STOX2: variants seen among roughly 807,000 people sequenced by gnomAD.
The protein encoded by STOX2 is storkhead box 2, also known as storkhead-box protein 2.
A neutral mutation model predicts 60.9 loss-of-function variants in STOX2; 28 were observed. The observed-to-expected ratio is 0.46, with a 90% confidence interval of 0.34 to 0.63. STOX2 has a LOEUF of 0.63. Ranked by LOEUF, STOX2 falls within the 30% of genes least tolerant of loss-of-function variation. The pLI, the probability that STOX2 is intolerant of heterozygous loss-of-function variation, is 0.01. For synonymous variants in STOX2, 472 were observed against 463.9 expected (o/e 1.02, Z -0.22); for missense variants, 1,024 against 1,187.7 (o/e 0.86, Z 2.03).
At chr4:183,955,055 G>C in intron 1 of STOX2, among the ~76,000 whole-genome samples, 1 of 152,324 alleles carries the variant, frequency 6.6e-6, no homozygotes, top group East Asian at 1.9e-4. Context: ...GACTCCTCTA[G>C]TTGTTTCCTT....
intron 1 of STOX2, among the ~76,000 whole-genome samples, chr4:183,923,084 C>T (rs1234067348): frequency 2.0e-5 from 3 of 152,216 alleles, no homozygotes; most frequent in Non-Finnish European, 2.9e-5. Context: ...TGCTGCTGTG[C>T]ACACAGGTGT....
intron 1 of STOX2, among the ~76,000 whole-genome samples, chr4:183,951,959 A>G (rs1231794523): frequency 6.6e-6 from 1 of 151,942 alleles, no homozygotes. Flanking sequence ...AAATAAATAA[A>G]AAGTGGGTGA....
At chr4:183,948,236 A>C (rs1487506418) in intron 1 of STOX2, among the ~76,000 whole-genome samples, 1 of 150,510 alleles carries the variant, frequency 6.6e-6, no homozygotes, top group Admixed American at 6.6e-5. Context: ...AAAAAAAAAA[A>C]AAAAAAAACA....
intron 1 of STOX2, among the ~76,000 whole-genome samples, chr4:183,874,953 ATATATATATATATATATAT>A (rs1345357461): frequency 3.7e-4 from 9 of 24,602 alleles, no homozygotes; most frequent in East Asian, 1.6e-3. Context: ...AAAAAAAAAA[ATATATATATATATATATAT>A]ATATATATAT....
Position 183,865,307 on chromosome 4 carries a change from G to A in STOX2, c.364+67252G>A, listed in dbSNP as rs568648721. ...TTATTCTCTCTCTTCTTAGATACTC[G>A]GTTTTAAAGTGACTGGGGTGGGTGG... On this transcript the variant is annotated intron_variant, in intron 1 of 2. Transcript: ENST00000513034. The surrounding 1 kb of genome is among the most constrained non-coding windows in gnomAD (Gnocchi z 4.1). Among the ~76,000 whole-genome samples the A allele has an allele frequency of 1.5e-4, 23 of 152,134 alleles. No individual in the cohort carries two copies. Among genetic ancestry groups the A allele is most frequent in the Middle Eastern group, 3.4e-3 (1 of 294 alleles).
In STOX2 at chr4:184,009,396, C is replaced by T; in HGVS notation, c.558C>T (p.Val186=). 6.2e-7 allele frequency: 1 copy of T among 1,614,004 alleles called. No homozygotes were observed. The change falls in exon 3 of 4, where the codon GTC becomes GTT. Residue 186 remains valine, a synonymous_variant. Coordinates refer to ENST00000308497, the MANE Select transcript of STOX2 (RefSeq NM_020225.3). The surrounding 1 kb of genome is among the most constrained non-coding windows in gnomAD (Gnocchi z 4.0). The stretch of plus-strand genomic sequence containing the variant: ...TCACGCCCTCTGCCTCAGGCTGTGT[C>T]AGGGAAAGGACATTGCCCCGAAACC... ...GTITPSASGC[V]RERTLPRNHC...
chr4:183,963,450 G>A (rs187805029), intron 1 of STOX2, among the ~76,000 whole-genome samples: 33 of 149,146 alleles, frequency 2.2e-4, no homozygotes, highest in African/African-American at 7.7e-4. Context: ...TTTTTGAGAC[G>A]GAGTCTTGCA....
intron 2 of STOX2, among the ~76,000 whole-genome samples, chr4:184,007,944 T>C (rs1046810176): frequency 1.4e-4 from 22 of 152,202 alleles, no homozygotes; most frequent in African/African-American, 4.6e-4. Flanking sequence ...AGTTAGGATT[T>C]CAGGATATAA....
chr4:183,829,494 C>T (rs998722625), intron 1 of STOX2, among the ~76,000 whole-genome samples: 1 of 152,142 alleles, frequency 6.6e-6, no homozygotes, highest in African/African-American at 2.4e-5. Flanking sequence ...GACTTCTATG[C>T]GCCAGATTAT....
intron 1 of STOX2, among the ~76,000 whole-genome samples, chr4:183,818,517 A>C (rs978543795): frequency 3.3e-5 from 5 of 152,202 alleles, no homozygotes; most frequent in African/African-American, 1.2e-4. Flanking sequence ...ACACAGCAAC[A>C]ATCTGATTTC....
rs146444273 is a variant in STOX2, at chr4:184,020,873, A to G, written c.*3589A>G. On this transcript the variant is annotated 3_prime_UTR_variant, in exon 4 of 4. Transcript: ENST00000308497. ...CCAGGTCCCTCTTTTTCATAGCCCA[A>G]CCAGCATCTAAAATGTAAATTTAAA... The G allele has an allele frequency of 2.5e-4, 38 of 152,252 alleles. No individual in the cohort carries two copies. Among genetic ancestry groups the G allele is most frequent in the African/African-American group, 8.7e-4 (36 of 41,554 alleles). 9.4% of individuals were successfully genotyped at this position (152,252 alleles called of 1,614,324 possible).
In STOX2 at chr4:183,818,086, CT is replaced by C. The variant is rs984007368; in HGVS notation, c.364+20041del. ...ATAAATATTTTTCTTTTTTTCTTTT[CT>C]TTTTTTTTTAGTATAATTTTTTTTT... On this transcript the variant is annotated intron_variant, in intron 1 of 2. Transcript: ENST00000513034. Among the ~76,000 whole-genome samples, 1,116 of 142,960 alleles carry C rather than the reference CT, an allele frequency of 7.8e-3. 16 individuals are homozygous for C. Among genetic ancestry groups the C allele is most frequent in the African/African-American group, 0.027 (1,030 of 38,256 alleles). The allele number at this position is 142,960 out of a possible 152,430, so 93.8% of individuals were successfully genotyped here. A position where few individuals can be genotyped will look rare whatever the true frequency, so the allele number is the denominator to read the frequency against.
intron 1 of STOX2, among the ~76,000 whole-genome samples, chr4:183,948,470 C>T (rs913138453): frequency 1.0e-5 from 1 of 98,414 alleles, no homozygotes; most frequent in African/African-American, 4.0e-5. Context: ...GGCAGGGATC[C>T]AGGTGCTCTT....
At chr4:183,983,963 C>G (rs996056823) in intron 1 of STOX2, among the ~76,000 whole-genome samples, 1 of 152,072 alleles carries the variant, frequency 6.6e-6, no homozygotes, top group African/African-American at 2.4e-5. Context: ...TGACCTTGGG[C>G]CACCCCTCTT....
chr4:183,945,062 G>T (rs1742849479), intron 1 of STOX2, among the ~76,000 whole-genome samples: 1 of 152,196 alleles, frequency 6.6e-6, no homozygotes, highest in South Asian at 2.1e-4. Context: ...TGATGGTCAA[G>T]TTCAAAAGAG....
At chr4:183,855,437 T>C (rs79886435) in intron 1 of STOX2, among the ~76,000 whole-genome samples, 118 of 152,328 alleles carry the variant, frequency 7.7e-4, no homozygotes, top group African/African-American at 2.1e-3. Flanking sequence ...TTCAATACAC[T>C]AAATGGGCCC....
chr4:183,863,881 G>A (rs1353349044), intron 1 of STOX2, among the ~76,000 whole-genome samples: 3 of 152,160 alleles, frequency 2.0e-5, no homozygotes, highest in Admixed American at 1.3e-4. Context: ...TTTTTGATAG[G>A]TGTTCACAGA....
intron 1 of STOX2, among the ~76,000 whole-genome samples, chr4:183,997,870 T>G (rs779509084): frequency 6.6e-6 from 1 of 152,098 alleles, no homozygotes; most frequent in African/African-American, 2.4e-5. Flanking sequence ...CCAAAGTAAA[T>G]GCCATTCAGA....
At chr4:183,925,328 A>G (rs1317231767) in intron 1 of STOX2, among the ~76,000 whole-genome samples, 1 of 152,158 alleles carries the variant, frequency 6.6e-6, no homozygotes, top group African/African-American at 2.4e-5. Flanking sequence ...TTGAATCTTG[A>G]TCACAAACTG....
Sources: gnomAD v4.1 joint callset for allele counts (sites outside exome capture counted in the v4.1 genomes callset) on GRCh38, gnomAD v4.1.1 for gene constraint, Gnocchi (gnomAD v3.1) non-coding constraint, MANE v1.5 for transcripts, NCBI Gene and HGNC (gene_info 2026-07-23, HGNC 2026-07-21) for gene names.